ADAMTSL1: variants seen among roughly 807,000 people sequenced by gnomAD.
ADAMTSL1 encodes ADAMTS-like protein 1.
In ADAMTSL1, 126 loss-of-function variants were observed where a neutral mutation model predicts 201.8. That is an observed-to-expected ratio of 0.62 (90% CI 0.54 to 0.72). ADAMTSL1 has a LOEUF of 0.72. Among genes scored for constraint, ADAMTSL1 ranks in the 30% least tolerant of loss-of-function variants. The pLI, the probability that ADAMTSL1 is intolerant of heterozygous loss-of-function variation, is 0.00. For synonymous variants in ADAMTSL1, 1,121 were observed against 903.4 expected (o/e 1.24, Z -4.32); for missense variants, 2,679 against 2,277.8 (o/e 1.18, Z -3.59).
rs1440483712 is a variant in ADAMTSL1, at chr9:18,310,399, A to AAAAAAAAAAAAAAC, written c.207+146418_207+146419insAAAAAAAAAAAAAC. ...AAAAAAAAAAAAAAAAAAAAAAAAA[A>AAAAAAAAAAAAAAC]CTATCTTCAGAGTGAACAGGCAACC... On this transcript the variant is annotated intron_variant, in intron 2 of 29. Coordinates refer to the ADAMTSL1 transcript ENST00000680146. Among the ~76,000 whole-genome samples the AAAAAAAAAAAAAAC allele has an allele frequency of 5.9e-4, 75 of 127,390 alleles. 2 individuals are homozygous for AAAAAAAAAAAAAAC. Among genetic ancestry groups the AAAAAAAAAAAAAAC allele is most frequent in the Non-Finnish European group, 1.1e-3 (62 of 58,270 alleles). 83.6% of individuals were successfully genotyped at this position (127,390 alleles called of 152,430 possible).
intron 2 of ADAMTSL1, among the ~76,000 whole-genome samples, chr9:18,313,447 A>G (rs931756242): frequency 6.6e-5 from 10 of 152,148 alleles, no homozygotes; most frequent in Non-Finnish European, 1.2e-4. Context: ...TTGGACACAC[A>G]TTAGAATCAT....
intron 14 of ADAMTSL1, among the ~76,000 whole-genome samples, chr9:18,719,277 A>C (rs1833175991): frequency 6.6e-6 from 1 of 152,262 alleles, no homozygotes; most frequent in Non-Finnish European, 1.5e-5. Flanking sequence ...TAAACAATTT[A>C]GAAAAAAGAA....
chr9:18,562,998 C>T (rs947419635), intron 3 of ADAMTSL1, among the ~76,000 whole-genome samples: 2 of 152,182 alleles, frequency 1.3e-5, no homozygotes, highest in Admixed American at 6.5e-5. Flanking sequence ...TATCACCCAC[C>T]TTCTGAAGCC....
intron 1 of ADAMTSL1, among the ~76,000 whole-genome samples, chr9:18,490,340 G>T (rs78054618): frequency 6.6e-6 from 1 of 152,006 alleles, no homozygotes; most frequent in Non-Finnish European, 1.5e-5. Context: ...GGAGGGAGAG[G>T]GGGTAGGTGA....
chr9:18,544,695 G>A (rs1361758026), intron 3 of ADAMTSL1, among the ~76,000 whole-genome samples: 2 of 152,162 alleles, frequency 1.3e-5, no homozygotes, highest in African/African-American at 4.8e-5. Flanking sequence ...TGGATTGATG[G>A]CTAATGCCAA....
chr9:18,842,837 A>G (rs781719970), intron 23 of ADAMTSL1, among the ~76,000 whole-genome samples: 65 of 151,886 alleles, frequency 4.3e-4, no homozygotes, highest in Non-Finnish European at 9.1e-4. Flanking sequence ...AGTCTGTTTT[A>G]TCAGAGACTA....
At chr9:18,467,624 A>G (rs1821056784) in intron 2 of ADAMTSL1, among the ~76,000 whole-genome samples, 1 of 152,348 alleles carries the variant, frequency 6.6e-6, no homozygotes. Context: ...AGGAGATGCC[A>G]TTTGAGCTAT....
At chr9:18,008,873 AC>A (rs1819940205) in intron 1 of ADAMTSL1, among the ~76,000 whole-genome samples, 2 of 152,118 alleles carry the variant, frequency 1.3e-5, no homozygotes, top group East Asian at 3.9e-4. Flanking sequence ...TTTATCTTGA[AC>A]AAAAATGAAG....
intron 4 of ADAMTSL1, among the ~76,000 whole-genome samples, chr9:18,589,384 T>C (rs1024004860): frequency 1.3e-5 from 2 of 152,196 alleles, no homozygotes; most frequent in African/African-American, 4.8e-5. Flanking sequence ...TTGATCACTG[T>C]TAATATATAA....
chr9:18,074,248 T>C (rs534866846), intron 1 of ADAMTSL1, among the ~76,000 whole-genome samples: 10 of 152,214 alleles, frequency 6.6e-5, no homozygotes, highest in African/African-American at 2.4e-4. Flanking sequence ...TCAGCTTCTG[T>C]GGTCATTTTC....
At chr9:18,719,669 G>T (rs1318602477) in intron 14 of ADAMTSL1, among the ~76,000 whole-genome samples, 4 of 152,154 alleles carry the variant, frequency 2.6e-5, no homozygotes, top group East Asian at 1.9e-4. Flanking sequence ...TGGCTTTGTG[G>T]TTCTTTTTTT....
At chr9:18,147,807 G>T (rs1306996207) in intron 1 of ADAMTSL1, among the ~76,000 whole-genome samples, 1 of 152,168 alleles carries the variant, frequency 6.6e-6, no homozygotes, top group East Asian at 1.9e-4. Context: ...GAACATAGGT[G>T]GTTTACAGTT....
intron 23 of ADAMTSL1, among the ~76,000 whole-genome samples, chr9:18,886,764 T>C (rs901190231): frequency 6.6e-6 from 1 of 152,362 alleles, no homozygotes; most frequent in Non-Finnish European, 1.5e-5. Flanking sequence ...CACCCTCTGA[T>C]ACCATCACCT....
At chr9:18,025,076 T>C (rs1820637021) in intron 1 of ADAMTSL1, among the ~76,000 whole-genome samples, 1 of 151,964 alleles carries the variant, frequency 6.6e-6, no homozygotes, top group Non-Finnish European at 1.5e-5. Context: ...TTTTAAGAAG[T>C]GTTGTTCATT....
intron 16 of ADAMTSL1, among the ~76,000 whole-genome samples, chr9:18,761,965 G>T (rs1025148817): frequency 2.6e-5 from 4 of 152,234 alleles, no homozygotes; most frequent in African/African-American, 9.6e-5. Flanking sequence ...CTGCAAAGCA[G>T]CTTCTGGCTA....
intron 2 of ADAMTSL1, among the ~76,000 whole-genome samples, chr9:18,242,049 A>G (rs892728138): frequency 6.6e-6 from 1 of 152,134 alleles, no homozygotes; most frequent in African/African-American, 2.4e-5. Flanking sequence ...CCAGACAAAG[A>G]CATCACAAGA....
chr9:18,402,281 T>C (rs1818016980), intron 2 of ADAMTSL1, among the ~76,000 whole-genome samples: 1 of 152,230 alleles, frequency 6.6e-6, no homozygotes, highest in South Asian at 2.1e-4. Flanking sequence ...ACTTTGCGCT[T>C]CTCATTTAAT....
chr9:18,055,045 G>C (rs1822116969), intron 1 of ADAMTSL1, among the ~76,000 whole-genome samples: 1 of 152,162 alleles, frequency 6.6e-6, no homozygotes. Flanking sequence ...ATCTCACCCT[G>C]CCTGCAGCTC....
At chr9:18,256,391 C>T (rs1360919681) in intron 2 of ADAMTSL1, among the ~76,000 whole-genome samples, 2 of 152,178 alleles carry the variant, frequency 1.3e-5, no homozygotes, top group Admixed American at 1.3e-4. Flanking sequence ...CCAGGAGTTC[C>T]TCAAAGGTAG....
Sources: gnomAD v4.1 joint callset for allele counts (sites outside exome capture counted in the v4.1 genomes callset) on GRCh38, gnomAD v4.1.1 for gene constraint, MANE v1.5 for transcripts, NCBI Gene and HGNC (gene_info 2026-07-23, HGNC 2026-07-21) for gene names.